The following GABRA3 variants were observed in gnomAD, a reference collection of about 807,000 sequenced individuals.
The protein encoded by GABRA3 is gamma-aminobutyric acid receptor subunit alpha-3.
Under a neutral mutation model 30.1 loss-of-function variants are expected in GABRA3, and 10 were observed. That is an observed-to-expected ratio of 0.33 (90% CI 0.20 to 0.56). The LOEUF (loss-of-function observed/expected upper bound fraction) is 0.56, where lower values mean the gene tolerates loss of function less well. GABRA3 is among the 20% of genes least tolerant of loss of function. The probability of loss-of-function intolerance (pLI) is 0.89; values close to 1 mark genes in which losing one functional copy is unlikely to be tolerated. For missense variants in GABRA3, 233 were observed against 392.0 expected (o/e 0.59, Z 3.42); for synonymous variants, 151 against 146.8 (o/e 1.03, Z -0.21).
intron 9 of GABRA3, among the ~76,000 whole-genome samples, chrX:152,170,019 A>G (rs1936983406): frequency 2.7e-5 from 3 of 112,087 alleles, no homozygotes; most frequent in Middle Eastern, 4.6e-3. Context: ...CTGAATGCGT[A>G]CTGGGCCAAG....
At chrX:152,294,904 A>G (rs1939497701) in intron 3 of GABRA3, among the ~76,000 whole-genome samples, 1 of 108,184 alleles carries the variant, frequency 9.2e-6, no homozygotes, top group Admixed American at 9.7e-5. Context: ...GTTTGCTCCA[A>G]CAGCTGCAGG....
At chrX:152,356,970 C>T (rs1569406332) in intron 2 of GABRA3, among the ~76,000 whole-genome samples, 2 of 111,901 alleles carry the variant, frequency 1.8e-5, no homozygotes, top group Non-Finnish European at 3.8e-5. Flanking sequence ...ATATGTACCA[C>T]ATTTATTTTA....
intron 1 of GABRA3, among the ~76,000 whole-genome samples, chrX:152,426,743 GAAT>G (rs781139178): frequency 2.7e-5 from 3 of 111,760 alleles, no homozygotes; most frequent in Non-Finnish European, 5.6e-5. Flanking sequence ...GATTTTGGCA[GAAT>G]AATAATAATA....
intron 1 of GABRA3, among the ~76,000 whole-genome samples, chrX:152,402,150 A>G (rs1294459279): frequency 8.9e-6 from 1 of 112,321 alleles, no homozygotes; most frequent in Non-Finnish European, 1.9e-5. Flanking sequence ...ACACAATAGT[A>G]CAGGACCTCC....
chrX:152,404,593 A>G (rs1270826109), intron 1 of GABRA3, among the ~76,000 whole-genome samples: 3 of 110,293 alleles, frequency 2.7e-5, no homozygotes, highest in Non-Finnish European at 5.7e-5. Flanking sequence ...AGGGGCTCAA[A>G]CTTTCAACTC....
intron 1 of GABRA3, among the ~76,000 whole-genome samples, chrX:152,369,439 C>CT (rs1381203750): frequency 9.9e-5 from 11 of 111,090 alleles, no homozygotes; most frequent in African/African-American, 3.6e-4. Context: ...GTCTCATCCC[C>CT]TACTACCCTC....
intron 1 of GABRA3, among the ~76,000 whole-genome samples, chrX:152,445,765 T>TC (rs1332449648): frequency 9.1e-6 from 1 of 109,744 alleles, no homozygotes; most frequent in African/African-American, 3.3e-5. Flanking sequence ...TTTCCAAACC[T>TC]CCCCCCACCG....
At chrX:152,403,606 G>A (rs1237298504) in intron 1 of GABRA3, among the ~76,000 whole-genome samples, 1 of 109,221 alleles carries the variant, frequency 9.2e-6, no homozygotes, top group Non-Finnish European at 1.9e-5. Flanking sequence ...TTTCACCAGG[G>A]AGCCAACGCA....
intron 1 of GABRA3, among the ~76,000 whole-genome samples, chrX:152,442,543 G>C (rs1243570330): frequency 9.0e-6 from 1 of 111,295 alleles, no homozygotes; most frequent in Non-Finnish European, 1.9e-5. Flanking sequence ...ACAAAATTAA[G>C]AGCATAAAAT....
intron 4 of GABRA3, among the ~76,000 whole-genome samples, chrX:152,260,364 T>C (rs368990870): frequency 9.0e-6 from 1 of 111,077 alleles, no homozygotes; most frequent in East Asian, 2.9e-4. Flanking sequence ...ATACTGATTG[T>C]AGAACACCAA....
At chrX:152,356,805 C>T (rs1175879985) in intron 2 of GABRA3, among the ~76,000 whole-genome samples, 1 of 111,641 alleles carries the variant, frequency 9.0e-6, no homozygotes, top group African/African-American at 3.3e-5. Flanking sequence ...CATGTGTACT[C>T]AATGTTCAGC....
At chrX:152,230,924 T>C (rs1938055868) in intron 5 of GABRA3, among the ~76,000 whole-genome samples, 1 of 110,239 alleles carries the variant, frequency 9.1e-6, no homozygotes, top group African/African-American at 3.3e-5. Flanking sequence ...AAAATCATGA[T>C]GCATACAAGA....
chrX:152,199,210 C>CA (rs1168440944), intron 7 of GABRA3, among the ~76,000 whole-genome samples: 2 of 107,377 alleles, frequency 1.9e-5, no homozygotes, highest in East Asian at 2.9e-4. Context: ...ACTAAAAATA[C>CA]AAAATATTAG....
chrX:152,429,906 C>T (rs1930612731), intron 1 of GABRA3, among the ~76,000 whole-genome samples: 1 of 112,235 alleles, frequency 8.9e-6, no homozygotes, highest in African/African-American at 3.2e-5. Flanking sequence ...ATCTCTGTTG[C>T]TTCACAACAT....
intron 5 of GABRA3, among the ~76,000 whole-genome samples, chrX:152,239,252 C>T (rs1291590902): frequency 9.6e-6 from 1 of 103,795 alleles, no homozygotes; most frequent in Non-Finnish European, 2.0e-5. Flanking sequence ...TCGTTATGTA[C>T]CCAGTAGTCA....
intron 1 of GABRA3, among the ~76,000 whole-genome samples, chrX:152,395,046 G>C (rs946324996): frequency 9.0e-6 from 1 of 110,939 alleles, no homozygotes; most frequent in African/African-American, 3.3e-5. Flanking sequence ...GGTAGATATG[G>C]TATGTAATCA....
At chrX:152,383,230 C>CA (rs1371220184) in intron 1 of GABRA3, among the ~76,000 whole-genome samples, 3 of 104,790 alleles carry the variant, frequency 2.9e-5, no homozygotes, top group African/African-American at 6.9e-5. Context: ...ACTGAAAATA[C>CA]AAAAAAAAAT....
At chrX:152,332,588 C>T (rs1940179987) in intron 3 of GABRA3, among the ~76,000 whole-genome samples, 1 of 111,417 alleles carries the variant, frequency 9.0e-6, no homozygotes, top group South Asian at 3.7e-4. Flanking sequence ...TATCTCGACC[C>T]TTTTTTTTAC....
intron 1 of GABRA3, among the ~76,000 whole-genome samples, chrX:152,416,048 A>C (rs1291488284): frequency 9.1e-6 from 1 of 109,876 alleles, no homozygotes; most frequent in Non-Finnish European, 1.9e-5. Flanking sequence ...AAGGAAATAA[A>C]GGGTATTCAA....
Sources: allele counts gnomAD v4.1 joint callset (sites outside exome capture counted in the v4.1 genomes callset), GRCh38; gene constraint gnomAD v4.1.1; transcripts MANE v1.5; gene names NCBI Gene and HGNC (gene_info 2026-07-23, HGNC 2026-07-21).